The following UBR3 variants were observed in gnomAD, a reference collection of about 807,000 sequenced individuals.
UBR3 encodes the protein ubiquitin protein ligase E3 component n-recognin 3.
Under a neutral mutation model 243.2 loss-of-function variants are expected in UBR3, and 85 were observed. That is an observed-to-expected ratio of 0.35 (90% CI 0.29 to 0.42). The LOEUF is 0.42. Among genes scored for constraint, UBR3 ranks in the 10% least tolerant of loss-of-function variants. The pLI is 1.00. For synonymous variants in UBR3, 748 were observed against 799.8 expected (o/e 0.94, Z 1.09); for missense variants, 1,686 against 2,300.8 (o/e 0.73, Z 5.47).
intron 24 of UBR3, among the ~76,000 whole-genome samples, chr2:169,960,772 A>G (rs1298769946): frequency 6.6e-6 from 1 of 152,056 alleles, no homozygotes; most frequent in Admixed American, 6.6e-5. Context: ...TTGCAGTCAC[A>G]TTAATGTCTT....
chr2:169,959,340 C>T (rs910101380), intron 24 of UBR3, among the ~76,000 whole-genome samples: 2 of 150,934 alleles, frequency 1.3e-5, no homozygotes, highest in Non-Finnish European at 3.0e-5. Flanking sequence ...AGAAAGAATA[C>T]AGATTGAGCA....
chr2:170,013,447 T>A (rs1459237039), intron 29 of UBR3, among the ~76,000 whole-genome samples: 1 of 151,932 alleles, frequency 6.6e-6, no homozygotes, highest in African/African-American at 2.4e-5. Context: ...TCAAAAAAAA[T>A]TTTTAAGAAA....
intron 25 of UBR3, among the ~76,000 whole-genome samples, chr2:169,989,739 C>T (rs1429022019): frequency 6.6e-6 from 1 of 152,118 alleles, no homozygotes; most frequent in Non-Finnish European, 1.5e-5. Flanking sequence ...GTTTAAAAAT[C>T]ATTTTCTAAA....
intron 32 of UBR3, among the ~76,000 whole-genome samples, chr2:170,047,193 CGG>C (rs34586778): frequency 7.0e-3 from 128 of 18,296 alleles, no homozygotes; most frequent in African/African-American, 9.3e-3. Context: ...GTGGCGGTGT[CGG>C]GGGGGGGGTC....
intron 24 of UBR3, chr2:169,964,603 T>A: frequency 2.6e-6 from 1 of 382,038 alleles, no homozygotes; most frequent in Non-Finnish European, 5.3e-6. Context: ...TGCTTTAGTT[T>A]TCAGGGTTAG....
chr2:169,828,830 A>G (rs559785745), intron 1 of UBR3, among the ~76,000 whole-genome samples: 1 of 152,206 alleles, frequency 6.6e-6, no homozygotes, highest in Admixed American at 6.5e-5. Flanking sequence ...TGATACGTGA[A>G]CCTCTGTCTA....
intron 8 of UBR3, among the ~76,000 whole-genome samples, chr2:169,898,764 C>T (rs552283936): frequency 2.5e-4 from 37 of 145,174 alleles, no homozygotes; most frequent in Middle Eastern, 3.3e-3. Context: ...TGCAGTGGCG[C>T]GATCTCAGCT....
At chr2:169,968,797 A>T (rs973330691) in intron 24 of UBR3, among the ~76,000 whole-genome samples, 4 of 152,152 alleles carry the variant, frequency 2.6e-5, no homozygotes, top group African/African-American at 9.7e-5. Flanking sequence ...ACTAATTTAC[A>T]TTCTTACTAG....
chr2:169,900,749 T>C (rs563391716), intron 8 of UBR3, among the ~76,000 whole-genome samples: 3 of 151,808 alleles, frequency 2.0e-5, no homozygotes, highest in Admixed American at 2.0e-4. Context: ...TGCCTCCCTT[T>C]TTTTTTTTTA....
chr2:169,986,817 A>G (rs975835106), intron 25 of UBR3, 23 bp downstream of exon 25: 1 of 1,612,758 alleles, frequency 6.2e-7, no homozygotes, highest in African/African-American at 1.3e-5. Context: ...TAATTTTTTC[A>G]TGGGAACATT....
intron 31 of UBR3, among the ~76,000 whole-genome samples, chr2:170,038,532 A>G (rs1429154744): frequency 1.3e-5 from 2 of 152,212 alleles, no homozygotes; most frequent in African/African-American, 4.8e-5. Flanking sequence ...TTAGAGGAAC[A>G]TAAAATTGGA....
At chr2:169,935,429 A>G (rs565058836) in intron 19 of UBR3, among the ~76,000 whole-genome samples, 26 of 152,312 alleles carry the variant, frequency 1.7e-4, no homozygotes, top group African/African-American at 5.8e-4. Context: ...TCAGCCGCCC[A>G]TAGTGCTAGG....
chr2:170,055,593 C>G lies in UBR3; in HGVS notation c.4785+9C>G. The G allele has an allele frequency of 6.2e-7, 1 of 1,612,068 alleles. No individual in the cohort carries two copies. The highest frequency in any genetic ancestry group is 8.5e-7 in the Non-Finnish European group (1 of 1,178,742). ...CGGGAGCTCTCAAAAAGGTTAGGCT[C>G]TTTCTAAATTTGTCATTTAGCAGGT... is the stretch of plus-strand genomic sequence containing the variant. On this transcript the variant is annotated intron_variant, in intron 33 of 38. Coordinates refer to ENST00000272793, the MANE Select transcript of UBR3 (RefSeq NM_172070.4).
chr2:170,013,066 A>C (rs1275137302), intron 29 of UBR3, among the ~76,000 whole-genome samples: 1 of 152,054 alleles, frequency 6.6e-6, no homozygotes, highest in African/African-American at 2.4e-5. Flanking sequence ...TTTGTGTTAG[A>C]AAATATAGAA....
chr2:169,854,935 C>T (rs921955447), intron 1 of UBR3, among the ~76,000 whole-genome samples: 1 of 152,098 alleles, frequency 6.6e-6, no homozygotes, highest in East Asian at 1.9e-4. Flanking sequence ...GATAATTTCT[C>T]GTTTTCATTA....
intron 26 of UBR3, 90 bp downstream of exon 26, chr2:169,994,546 T>A (rs1466403016): frequency 2.5e-5 from 35 of 1,421,708 alleles, no homozygotes; most frequent in Non-Finnish European, 3.2e-5. Flanking sequence ...CAAAATGGCA[T>A]TCTGATGTTA....
chr2:169,992,045 A>T (rs1414260779), intron 25 of UBR3, among the ~76,000 whole-genome samples: 1 of 152,238 alleles, frequency 6.6e-6, no homozygotes, highest in Non-Finnish European at 1.5e-5. Flanking sequence ...ATTAAAAAAG[A>T]TTCAAATAAC....
At chr2:169,905,614 A>G (rs1244638813) in intron 9 of UBR3, among the ~76,000 whole-genome samples, 1 of 152,194 alleles carries the variant, frequency 6.6e-6, no homozygotes, top group African/African-American at 2.4e-5. Flanking sequence ...GGCTCAACCA[A>G]TCCATTTGCT....
At chr2:169,854,335 G>T (rs56023045) in intron 1 of UBR3, among the ~76,000 whole-genome samples, 8,698 of 152,140 alleles carry the variant, frequency 0.057, 454 homozygotes, top group African/African-American at 0.14. Flanking sequence ...AACTGTTAAT[G>T]CATTACCATA....
Sources: gnomAD v4.1 joint callset for allele counts (sites outside exome capture counted in the v4.1 genomes callset) on GRCh38, gnomAD v4.1.1 for gene constraint, MANE v1.5 for transcripts, NCBI Gene and HGNC (gene_info 2026-07-23, HGNC 2026-07-21) for gene names.